ELP4: variants seen among roughly 807,000 people sequenced by gnomAD.
ELP4 encodes elongator acetyltransferase complex subunit 4.
Under a neutral mutation model 48.9 loss-of-function variants are expected in ELP4, and 51 were observed. That is an observed-to-expected ratio of 1.04 (90% CI 0.83 to 1.32). The LOEUF is 1.32. ELP4 is among the 40% of genes most tolerant of loss of function. The pLI, the probability that ELP4 is intolerant of heterozygous loss-of-function variation, is 0.00. For synonymous variants in ELP4, 210 were observed against 189.2 expected (o/e 1.11, Z -0.90); for missense variants, 519 against 514.6 (o/e 1.01, Z -0.08).
At chr11:31,515,019 G>A (rs1258689620) in intron 1 of ELP4, among the ~76,000 whole-genome samples, 1 of 134,330 alleles carries the variant, frequency 7.4e-6, no homozygotes, top group Non-Finnish European at 1.6e-5. Flanking sequence ...GTGTGTGTGT[G>A]TGTGTGTGTG....
intron 9 of ELP4, among the ~76,000 whole-genome samples, chr11:31,776,567 A>G (rs527614801): frequency 2.9e-4 from 44 of 152,366 alleles, no homozygotes; most frequent in African/African-American, 9.9e-4. Flanking sequence ...CTTTTCACAA[A>G]TCACACTTTT....
intron 6 of ELP4, 56 bp from the exon 7 acceptor site, chr11:31,632,161 G>T (rs1944874103): frequency 2.2e-6 from 3 of 1,391,128 alleles, no homozygotes; most frequent in African/African-American, 1.4e-5. Flanking sequence ...GATAAAAGTG[G>T]TATTCTATTG....
chr11:31,673,736 T>G (rs1393834264), intron 9 of ELP4, among the ~76,000 whole-genome samples: 1 of 152,256 alleles, frequency 6.6e-6, no homozygotes, highest in Non-Finnish European at 1.5e-5. Context: ...TGTTAAAACT[T>G]TATATGCTAT....
At chr11:31,658,333 C>G (rs1163867495) in intron 9 of ELP4, among the ~76,000 whole-genome samples, 2 of 148,524 alleles carry the variant, frequency 1.3e-5, no homozygotes, top group South Asian at 4.3e-4. Flanking sequence ...TTAATCACAG[C>G]TTCTCCCTTA....
intron 9 of ELP4, chr11:31,663,597 A>G (rs1945607460): frequency 6.6e-6 from 1 of 152,048 alleles, no homozygotes; most frequent in Admixed American, 6.6e-5. Flanking sequence ...TTAACTGTTC[A>G]TTAGCCACAC....
intron 9 of ELP4, chr11:31,719,742 G>T (rs12099205): frequency 0.04 from 12,953 of 325,162 alleles, 1,077 homozygotes; most frequent in African/African-American, 0.2. Context: ...TTTCGCTAAT[G>T]ATATGCATGC....
At chr11:31,667,993 C>A (rs755597811) in intron 9 of ELP4, among the ~76,000 whole-genome samples, 1 of 152,068 alleles carries the variant, frequency 6.6e-6, no homozygotes, top group Non-Finnish European at 1.5e-5. Flanking sequence ...AAATTGCTCC[C>A]ATTTTTCCCA....
intron 9 of ELP4, among the ~76,000 whole-genome samples, chr11:31,752,706 C>T (rs1373288211): frequency 2.6e-5 from 4 of 151,706 alleles, no homozygotes; most frequent in African/African-American, 9.7e-5. Context: ...TGGTGGTGGG[C>T]GCCTGTAGTC....
At chr11:31,733,966 A>C (rs533638956) in intron 9 of ELP4, among the ~76,000 whole-genome samples, 4 of 152,360 alleles carry the variant, frequency 2.6e-5, no homozygotes, top group Non-Finnish European at 5.9e-5. Flanking sequence ...AAAAATCTTC[A>C]ACAAAAAACC....
At chr11:31,662,816 C>G (rs1945592848) in intron 9 of ELP4, 1 of 358,392 alleles carries the variant, frequency 2.8e-6, no homozygotes, top group Non-Finnish European at 5.0e-6. Flanking sequence ...GCATTAATGT[C>G]TCTCTGAGAA....
intron 3 of ELP4, among the ~76,000 whole-genome samples, chr11:31,561,737 C>A (rs1310522901): frequency 6.6e-6 from 1 of 152,142 alleles, no homozygotes; most frequent in East Asian, 1.9e-4. Flanking sequence ...AGCCACCATG[C>A]CTGGCCTGAA....
chr11:31,591,434 G>C (rs995207416), intron 3 of ELP4, among the ~76,000 whole-genome samples: 14 of 60,334 alleles, frequency 2.3e-4, no homozygotes, highest in African/African-American at 7.5e-4. Context: ...GGGGGGGGGG[G>C]GTATAAAACC....
At chr11:31,637,768 A>G (rs1945013074) in intron 7 of ELP4, among the ~76,000 whole-genome samples, 1 of 152,012 alleles carries the variant, frequency 6.6e-6, no homozygotes, top group Non-Finnish European at 1.5e-5. Flanking sequence ...CAAATTATGC[A>G]AACATTTTGT....
intron 2 of ELP4, among the ~76,000 whole-genome samples, chr11:31,522,882 A>G (rs1285910516): frequency 6.8e-6 from 1 of 146,888 alleles, no homozygotes; most frequent in Non-Finnish European, 1.5e-5. Context: ...TTTTTAAGAG[A>G]TGAGTCTTGC....
At chr11:31,719,273 A>G (rs74475375) in intron 9 of ELP4, among the ~76,000 whole-genome samples, 1 of 151,820 alleles carries the variant, frequency 6.6e-6, no homozygotes, top group South Asian at 2.1e-4. Flanking sequence ...AAAAAAAAAA[A>G]GAAAGAAAAG....
At chr11:31,651,191 T>G (rs2134075014) in intron 9 of ELP4, 1 of 151,846 alleles carries the variant, frequency 6.6e-6, no homozygotes, top group South Asian at 2.1e-4. Flanking sequence ...GCTGGCCACT[T>G]GATAAGGTAA....
At chr11:31,752,600 C>T (rs1047657739) in intron 9 of ELP4, among the ~76,000 whole-genome samples, 3 of 152,004 alleles carry the variant, frequency 2.0e-5, no homozygotes, top group East Asian at 3.9e-4. Context: ...TTTGGGAGGC[C>T]GAGGCGGACG....
intron 5 of ELP4, among the ~76,000 whole-genome samples, chr11:31,609,477 C>G (rs1434221926): frequency 6.6e-6 from 1 of 151,910 alleles, no homozygotes; most frequent in African/African-American, 2.4e-5. Context: ...TTTGGAGGGC[C>G]TCTGTAAGGC....
chr11:31,668,982 C>T (rs186288952), intron 9 of ELP4, among the ~76,000 whole-genome samples: 2 of 152,140 alleles, frequency 1.3e-5, no homozygotes, highest in Admixed American at 1.3e-4. Flanking sequence ...CCTGCCTCCC[C>T]AGCCTCACCT....
Sources: gnomAD v4.1 joint callset for allele counts (sites outside exome capture counted in the v4.1 genomes callset) on GRCh38, gnomAD v4.1.1 for gene constraint, MANE v1.5 for transcripts, NCBI Gene and HGNC (gene_info 2026-07-23, HGNC 2026-07-21) for gene names.